Variants in FAF1 observed in about 807,000 individuals in gnomAD.
FAF1 encodes the protein Fas associated factor 1, also known as FAS-associated factor 1.
Under a neutral mutation model 92.5 loss-of-function variants are expected in FAF1, and 25 were observed. The observed-to-expected ratio is 0.27, with a 90% CI of 0.20 to 0.38. FAF1 has a LOEUF of 0.38. Ranked by LOEUF, FAF1 falls within the 10% of genes least tolerant of loss-of-function variation. The pLI is 1.00. For missense variants in FAF1, 636 were observed against 793.3 expected, an observed-to-expected ratio of 0.80 and a Z score of 2.38; for synonymous variants, 234 against 273.2, an observed-to-expected ratio of 0.86 and a Z score of 1.42.
intron 1 of FAF1, among the ~76,000 whole-genome samples, chr1:50,922,458 CAAAAA>C (rs33971185): frequency 5.9e-4 from 22 of 37,268 alleles, no homozygotes; most frequent in Admixed American, 4.0e-3. Context: ...GACTCTGCCT[CAAAAA>C]AAAAAAAAAA....
At chr1:50,953,519 A>G (rs1047363913) in intron 1 of FAF1, among the ~76,000 whole-genome samples, 1 of 152,054 alleles carries the variant, frequency 6.6e-6, no homozygotes, top group East Asian at 1.9e-4. Flanking sequence ...GGGTGGATCA[A>G]CTGAGGTCAG....
intron 1 of FAF1, among the ~76,000 whole-genome samples, chr1:50,952,837 G>A (rs1329407567): frequency 1.3e-5 from 2 of 150,508 alleles, no homozygotes; most frequent in Admixed American, 1.3e-4. Context: ...CCCGGCAGCC[G>A]CCCCGTCTGG....
At chr1:50,796,084 AC>A (rs1661740269) in intron 3 of FAF1, among the ~76,000 whole-genome samples, 1 of 152,130 alleles carries the variant, frequency 6.6e-6, no homozygotes, top group South Asian at 2.1e-4. Flanking sequence ...ACAAAAAAAA[AC>A]CCTGACCATT....
chr1:50,955,041 C>CA (rs1317828087), intron 1 of FAF1, among the ~76,000 whole-genome samples: 1 of 152,052 alleles, frequency 6.6e-6, no homozygotes, highest in African/African-American at 2.4e-5. Context: ...GACTCTAGAC[C>CA]AAAAGAAGTA....
chr1:50,540,739 A>G (rs1348307704), intron 13 of FAF1, among the ~76,000 whole-genome samples: 1 of 152,236 alleles, frequency 6.6e-6, no homozygotes, highest in Non-Finnish European at 1.5e-5. Context: ...ATGTCATAAT[A>G]ATAATGAATT....
chr1:50,555,920 A>G (rs948270586), intron 13 of FAF1, among the ~76,000 whole-genome samples: 10 of 151,990 alleles, frequency 6.6e-5, no homozygotes, highest in Admixed American at 5.2e-4. Flanking sequence ...ATATATATAT[A>G]AAATTAGGTG....
At chr1:50,498,525 C>G (rs1218852960) in intron 15 of FAF1, among the ~76,000 whole-genome samples, 2 of 152,094 alleles carry the variant, frequency 1.3e-5, no homozygotes, top group Non-Finnish European at 1.5e-5. Flanking sequence ...ATATAATAAA[C>G]TCCAACAACT....
chr1:50,551,184 T>C (rs1056367755), intron 13 of FAF1, among the ~76,000 whole-genome samples: 1 of 152,184 alleles, frequency 6.6e-6, no homozygotes, highest in African/African-American at 2.4e-5. Flanking sequence ...ATTATGTCAA[T>C]TTTTTAAAGG....
chr1:50,928,713 G>A (rs1265853715), intron 1 of FAF1, among the ~76,000 whole-genome samples: 1 of 149,078 alleles, frequency 6.7e-6, no homozygotes, highest in Non-Finnish European at 1.5e-5. Context: ...AACCTGGGAG[G>A]TGGAGGTTGC....
At chr1:50,887,388 C>A (rs1644676132) in intron 1 of FAF1, among the ~76,000 whole-genome samples, 1 of 152,110 alleles carries the variant, frequency 6.6e-6, no homozygotes, top group African/African-American at 2.4e-5. Flanking sequence ...TAATTAGATC[C>A]CATTTGTCAA....
rs186480600 is a variant in FAF1, at chr1:50,558,830, C to T, written c.1268+8247G>A. ...AAAAACAAATGCTTTGATTCAAATA[C>T]GATGCATGTGCAACCAGGCAGTTAT... is the stretch of plus-strand genomic sequence containing the variant. On this transcript the variant is annotated intron_variant, in intron 13 of 18. Coordinates refer to ENST00000396153, the MANE Select transcript of FAF1 (RefSeq NM_007051.3). Among the ~76,000 whole-genome samples the T allele has an allele frequency of 3.7e-4, 56 of 152,144 alleles. 4 individuals are homozygous for T. The highest frequency in any genetic ancestry group is 1.3e-3 in the African/African-American group (55 of 41,510).
chr1:50,899,984 CTA>C (rs1644783851), intron 1 of FAF1, among the ~76,000 whole-genome samples: 1 of 152,162 alleles, frequency 6.6e-6, no homozygotes, highest in African/African-American at 2.4e-5. Context: ...AAGAAATAGT[CTA>C]TGCTTTGTGT....
chr1:50,929,600 T>C (rs951598394), intron 1 of FAF1, among the ~76,000 whole-genome samples: 2 of 152,208 alleles, frequency 1.3e-5, no homozygotes, highest in Non-Finnish European at 2.9e-5. Context: ...TTAACACATC[T>C]TGGGAATTTC....
At chr1:50,555,226 TAC>T (rs1445221262) in intron 13 of FAF1, among the ~76,000 whole-genome samples, 1 of 143,800 alleles carries the variant, frequency 7.0e-6, no homozygotes, top group Non-Finnish European at 1.5e-5. Flanking sequence ...CACACACACA[TAC>T]ACACACACCA....
At chr1:50,693,265 T>C (rs1349072050) in intron 7 of FAF1, among the ~76,000 whole-genome samples, 4 of 152,200 alleles carry the variant, frequency 2.6e-5, no homozygotes, top group Non-Finnish European at 2.9e-5. Flanking sequence ...TCCAGTTTCA[T>C]TCTTGTGCAT....
At chr1:50,527,222 T>C (rs1461622200) in intron 15 of FAF1, among the ~76,000 whole-genome samples, 1 of 152,146 alleles carries the variant, frequency 6.6e-6, no homozygotes, top group Non-Finnish European at 1.5e-5. Context: ...GGCTTTGATT[T>C]GCAGTCACCT....
At chr1:50,775,008 C>A (rs1047307832) in intron 4 of FAF1, among the ~76,000 whole-genome samples, 6 of 152,064 alleles carry the variant, frequency 3.9e-5, no homozygotes, top group Non-Finnish European at 8.8e-5. Context: ...CGCTTTCAAA[C>A]CTTGTTGCAT....
chr1:50,581,989 C>T (rs1265921102), intron 12 of FAF1, among the ~76,000 whole-genome samples: 2 of 133,142 alleles, frequency 1.5e-5, no homozygotes, highest in Non-Finnish European at 3.1e-5. Context: ...TTATGGGCTT[C>T]TTCTTATAGA....
At chr1:50,534,839 T>A (rs1648387595) in intron 15 of FAF1, among the ~76,000 whole-genome samples, 2 of 152,212 alleles carry the variant, frequency 1.3e-5, no homozygotes, top group Non-Finnish European at 2.9e-5. Context: ...TCTATGTTCA[T>A]GTTATCTATA....
Sources: allele counts gnomAD v4.1 joint callset (sites outside exome capture counted in the v4.1 genomes callset), GRCh38; gene constraint gnomAD v4.1.1; transcripts MANE v1.5; gene names NCBI Gene and HGNC (gene_info 2026-07-23, HGNC 2026-07-21).